TMEM63C: variants seen among roughly 807,000 people sequenced by gnomAD.
The protein encoded by TMEM63C is osmosensitive cation channel TMEM63C.
A neutral mutation model predicts 99.2 loss-of-function variants in TMEM63C; 32 were observed. The observed-to-expected ratio is 0.32, with a 90% CI of 0.24 to 0.43. The LOEUF is 0.43. Ranked by LOEUF, TMEM63C falls within the 20% of genes least tolerant of loss-of-function variation. The pLI, the probability that TMEM63C is intolerant of heterozygous loss-of-function variation, is 1.00. For missense variants in TMEM63C, 826 were observed against 1,053.0 expected (o/e 0.78, Z 2.98); for synonymous variants, 376 against 397.9 (o/e 0.94, Z 0.66).
intron 1 of TMEM63C, among the ~76,000 whole-genome samples, chr14:77,207,028 C>CAGG (rs1566619289): frequency 6.6e-6 from 1 of 152,196 alleles, no homozygotes; most frequent in Admixed American, 6.5e-5. Context: ...GCCCAGCTCC[C>CAGG]AGGGGCCTGG....
intron 1 of TMEM63C, among the ~76,000 whole-genome samples, chr14:77,202,222 A>G (rs1888310872): frequency 6.7e-6 from 1 of 148,930 alleles, no homozygotes; most frequent in South Asian, 2.1e-4. Context: ...ACAAGCATCT[A>G]AAACCCAAAC....
intron 23 of TMEM63C, among the ~76,000 whole-genome samples, chr14:77,255,344 C>T (rs1476956407): frequency 1.3e-5 from 2 of 152,204 alleles, no homozygotes; most frequent in African/African-American, 4.8e-5. Flanking sequence ...AATTTTTTAT[C>T]TCTTTGAACA....
chr14:77,195,432 G>A (rs1259297978), intron 1 of TMEM63C, among the ~76,000 whole-genome samples: 3 of 152,166 alleles, frequency 2.0e-5, no homozygotes, highest in African/African-American at 7.2e-5. Context: ...CCCTTTCCCA[G>A]TGTGTCATCT....
chr14:77,210,271 C>T (rs544013639), intron 1 of TMEM63C, among the ~76,000 whole-genome samples: 60 of 152,180 alleles, frequency 3.9e-4, no homozygotes, highest in Non-Finnish European at 4.0e-4. Context: ...CCAGTGACCC[C>T]CTCCCAGGCT....
rs537192747 is a variant in TMEM63C at position 77,204,069 on chromosome 14, G to A, written c.-76-9377G>A. The stretch of plus-strand genomic sequence containing the variant: ...GCCGGCATCTTAGCCCAGGGGCCCT[G>A]CAAAACAGGAGCTGAGCTGAGCCAT... On this transcript the variant is annotated intron_variant, in intron 1 of 23. Coordinates refer to ENST00000298351, the MANE Select transcript of TMEM63C (RefSeq NM_020431.4). Among the ~76,000 whole-genome samples, 7 of 152,350 alleles carry A rather than the reference G, an allele frequency of 4.6e-5. No individual in the cohort carries two copies. The South Asian group carries it at 1.2e-3, about 27-fold the overall frequency.
intron 1 of TMEM63C, among the ~76,000 whole-genome samples, chr14:77,185,779 C>T (rs1012456077): frequency 1.7e-4 from 26 of 152,148 alleles, no homozygotes; most frequent in African/African-American, 6.0e-4. Context: ...TTGGGAGCTG[C>T]GTTCCCACCT....
intron 13 of TMEM63C, among the ~76,000 whole-genome samples, chr14:77,241,526 G>A (rs527895427): frequency 5.2e-4 from 79 of 152,202 alleles, no homozygotes; most frequent in African/African-American, 1.8e-3. Flanking sequence ...CTTTCTGGGG[G>A]AGGCTGATCC....
intron 5 of TMEM63C, 50 bp downstream of exon 5, chr14:77,220,137 C>A: frequency 6.6e-7 from 1 of 1,511,162 alleles, no homozygotes; most frequent in Non-Finnish European, 9.0e-7. Flanking sequence ...ACTGGGCAGG[C>A]AGGCGTGGTG....
rs200467298 is a variant in TMEM63C at position 77,242,488 on chromosome 14, T to C, written c.1187+19T>C. ...TTATTTGGTAAGCCTCCTCCATCCC[T>C]CCCCTCTCCTCTGAGCTCCTCTGAG... On this transcript the variant is annotated intron_variant, in intron 14 of 23. Transcript: ENST00000298351. 206 of 1,611,418 alleles carry C rather than the reference T, an allele frequency of 1.3e-4. 4 individuals carry two copies. In the East Asian group the frequency reaches 2.3e-3, roughly 18 times the overall value.
At chr14:77,202,430 G>A (rs1185196030) in intron 1 of TMEM63C, among the ~76,000 whole-genome samples, 1 of 152,166 alleles carries the variant, frequency 6.6e-6, no homozygotes. Context: ...ACAACAGAAA[G>A]TTATTCTCTT....
chr14:77,195,078 AC>A (rs754839944), intron 1 of TMEM63C, among the ~76,000 whole-genome samples: 1 of 152,054 alleles, frequency 6.6e-6, no homozygotes, highest in Non-Finnish European at 1.5e-5. Context: ...ACATAGTGAG[AC>A]CCCATCTCAA....
chr14:77,211,097 C>G (rs1209107527), intron 1 of TMEM63C, among the ~76,000 whole-genome samples: 1 of 152,204 alleles, frequency 6.6e-6, no homozygotes, highest in South Asian at 2.1e-4. Flanking sequence ...GCTCAGCCCA[C>G]TCTGCTCTCC....
intron 7 of TMEM63C, among the ~76,000 whole-genome samples, chr14:77,232,153 A>C (rs563442902): frequency 8.0e-4 from 122 of 152,354 alleles, no homozygotes; most frequent in African/African-American, 2.7e-3. Context: ...AGCCCTTTGG[A>C]GGGAACAGCA....
intron 2 of TMEM63C, among the ~76,000 whole-genome samples, chr14:77,216,992 C>T (rs1888597550): frequency 6.6e-6 from 1 of 152,024 alleles, no homozygotes; most frequent in Non-Finnish European, 1.5e-5. Context: ...ATAGTGAGAC[C>T]CTTGTTTCTA....
intron 1 of TMEM63C, among the ~76,000 whole-genome samples, chr14:77,194,549 C>CTCTCTT (rs1888179774): frequency 5.5e-5 from 1 of 18,238 alleles, no homozygotes; most frequent in African/African-American, 1.5e-4. Context: ...TTCTTTCTTT[C>CTCTCTT]TTTCTCTTTC....
rs1453483078 is a variant in TMEM63C at position 77,238,830 on chromosome 14, T to C, written c.725+63T>C. On this transcript the variant is annotated intron_variant, in intron 10 of 23. Coordinates refer to ENST00000298351, the MANE Select transcript of TMEM63C (RefSeq NM_020431.4). The stretch of plus-strand genomic sequence containing the variant: ...CCTCCCCATAACCCCGCCTGGGTCC[T>C]CAAGTGGGTAGTGAGTTGGTGCAGG... 1.6e-5 allele frequency: 22 copies of C among 1,346,820 alleles called. No individual in the cohort carries two copies. The East Asian group carries it at 4.8e-4, about 30-fold the overall frequency. The allele number at this position is 1,346,820 out of a possible 1,614,324, so 83.4% of individuals were successfully genotyped here.
In TMEM63C at chr14:77,258,024, G is replaced by A. The variant is rs1594872926; in HGVS notation, c.*1298G>A. Reference sequence around the variant, plus strand: ...GGGGAGCTGAATTCCGAACAGTGATGGTGACACTCAGCACCTTTGCCACAG... The same window carrying A: ...GGGGAGCTGAATTCCGAACAGTGATAGTGACACTCAGCACCTTTGCCACAG... On this transcript the variant is annotated 3_prime_UTR_variant, in exon 24 of 24. Transcript: ENST00000298351. 1 of 152,444 alleles carries A rather than the reference G, an allele frequency of 6.6e-6. No individual in the cohort carries two copies. Among genetic ancestry groups the A allele is most frequent in the African/African-American group, 2.4e-5 (1 of 41,574 alleles). The allele number at this position is 152,444 out of a possible 1,614,324, so 9.4% of individuals were successfully genotyped here. A position where few individuals can be genotyped will look rare whatever the true frequency, so the allele number is the denominator to read the frequency against.
At chr14:77,227,052 G>A (rs1888841576) in intron 6 of TMEM63C, among the ~76,000 whole-genome samples, 1 of 152,226 alleles carries the variant, frequency 6.6e-6, no homozygotes, top group African/African-American at 2.4e-5. Context: ...ACAGGCATGA[G>A]CCACCGCACT....
intron 1 of TMEM63C, among the ~76,000 whole-genome samples, chr14:77,184,804 T>C (rs1302005743): frequency 6.6e-6 from 1 of 152,076 alleles, no homozygotes; most frequent in African/African-American, 2.4e-5. Flanking sequence ...TCCTGCAAGG[T>C]AGGGTTACAG....
Sources: gnomAD v4.1 joint callset for allele counts (sites outside exome capture counted in the v4.1 genomes callset) on GRCh38, gnomAD v4.1.1 for gene constraint, MANE v1.5 for transcripts, NCBI Gene and HGNC (gene_info 2026-07-23, HGNC 2026-07-21) for gene names.